PLXNA4: variants seen among roughly 807,000 people sequenced by gnomAD.
The protein encoded by PLXNA4 is plexin-A4.
Under a neutral mutation model 191.8 loss-of-function variants are expected in PLXNA4, and 44 were observed. The ratio of observed to expected loss-of-function variants is 0.23; its 90% CI spans 0.18 to 0.29. The LOEUF (loss-of-function observed/expected upper bound fraction) is 0.29, where lower values mean the gene tolerates loss of function less well. Ranked by LOEUF, PLXNA4 falls within the 10% of genes least tolerant of loss-of-function variation. The pLI is 1.00. For synonymous variants in PLXNA4, 1,082 were observed against 1,009.5 expected, an observed-to-expected ratio of 1.07 and a Z score of -1.36; for missense variants, 1,800 against 2,488.8, an observed-to-expected ratio of 0.72 and a Z score of 5.89.
chr7:132,632,984 C>A (rs140900657), intron 2 of PLXNA4, among the ~76,000 whole-genome samples: 1 of 151,938 alleles, frequency 6.6e-6, no homozygotes, highest in Non-Finnish European at 1.5e-5. Flanking sequence ...GGAGACAGAC[C>A]CCCAGCTTCA....
chr7:132,390,530 C>A (rs192380135), intron 3 of PLXNA4, among the ~76,000 whole-genome samples: 1 of 151,856 alleles, frequency 6.6e-6, no homozygotes, highest in South Asian at 2.1e-4. Context: ...CAAACCTGCA[C>A]GTTCTGCATA....
At chr7:132,253,660 G>A (rs1799333204) in intron 4 of PLXNA4, among the ~76,000 whole-genome samples, 1 of 152,180 alleles carries the variant, frequency 6.6e-6, no homozygotes, top group South Asian at 2.1e-4. Flanking sequence ...CTAGAAGTGA[G>A]CCCTGGGCCA....
At chr7:132,601,073 A>G (rs1224943225) in intron 2 of PLXNA4, among the ~76,000 whole-genome samples, 2 of 152,146 alleles carry the variant, frequency 1.3e-5, no homozygotes, top group African/African-American at 2.4e-5. Flanking sequence ...TCAAATATTT[A>G]TTGAATAAAT....
At chr7:132,308,218 C>A (rs1326219627) in intron 3 of PLXNA4, among the ~76,000 whole-genome samples, 2 of 152,184 alleles carry the variant, frequency 1.3e-5, no homozygotes, top group Non-Finnish European at 2.9e-5. Context: ...TTTGAAACAG[C>A]TTCACTGAGT....
intron 3 of PLXNA4, among the ~76,000 whole-genome samples, chr7:132,327,894 A>G (rs1380113462): frequency 6.6e-6 from 1 of 152,110 alleles, no homozygotes; most frequent in Non-Finnish European, 1.5e-5. Flanking sequence ...CTGGATGAGG[A>G]GAAGGTTCCA....
At chr7:132,321,365 CT>C (rs112669559) in intron 3 of PLXNA4, among the ~76,000 whole-genome samples, 21,817 of 143,338 alleles carry the variant, frequency 0.15, 2,375 homozygotes, top group African/African-American at 0.33. Flanking sequence ...TCTAGGCAAG[CT>C]TTTTTTTTTT....
intron 5 of PLXNA4, among the ~76,000 whole-genome samples, chr7:132,239,993 G>C (rs1313605348): frequency 6.6e-6 from 1 of 152,108 alleles, no homozygotes; most frequent in Non-Finnish European, 1.5e-5. Flanking sequence ...AGTTTAAGAG[G>C]GTGTTTCCGA....
At chr7:132,208,524 T>C (rs1435023276) in intron 10 of PLXNA4, among the ~76,000 whole-genome samples, 2 of 151,728 alleles carry the variant, frequency 1.3e-5, no homozygotes, top group South Asian at 2.1e-4. Context: ...AGGTCCTGAG[T>C]TGGGGGCAGG....
chr7:132,218,993 A>T (rs1477036058), intron 9 of PLXNA4, among the ~76,000 whole-genome samples: 1 of 152,170 alleles, frequency 6.6e-6, no homozygotes, highest in Non-Finnish European at 1.5e-5. Flanking sequence ...GTAATTCAAT[A>T]TCCCTGATAG....
At chr7:132,392,370 G>A (rs1238785608) in intron 3 of PLXNA4, among the ~76,000 whole-genome samples, 2 of 152,222 alleles carry the variant, frequency 1.3e-5, no homozygotes, top group Non-Finnish European at 1.5e-5. Flanking sequence ...CTGTAAATGT[G>A]CACCTGCTAT....
At chr7:132,280,284 A>C (rs6949380) in intron 4 of PLXNA4, among the ~76,000 whole-genome samples, 3,637 of 152,292 alleles carry the variant, frequency 0.024, 147 homozygotes, top group African/African-American at 0.082. Context: ...GATTGAGATA[A>C]AAATAAGGAA....
intron 25 of PLXNA4, among the ~76,000 whole-genome samples, chr7:132,156,688 C>T (rs1047222488): frequency 6.6e-6 from 1 of 152,200 alleles, no homozygotes; most frequent in African/African-American, 2.4e-5. Context: ...GTCCCTTTGG[C>T]ATAAATAGTC....
chr7:132,132,891 T>A (rs908013926), intron 31 of PLXNA4, among the ~76,000 whole-genome samples, 158 bp downstream of exon 31: 4 of 152,304 alleles, frequency 2.6e-5, no homozygotes, highest in Admixed American at 1.3e-4. Flanking sequence ...GTTTCTAGCA[T>A]CCCAGCCTTT....
intron 4 of PLXNA4, among the ~76,000 whole-genome samples, chr7:132,277,219 G>A (rs868780361): frequency 6.6e-6 from 1 of 152,154 alleles, no homozygotes; most frequent in Non-Finnish European, 1.5e-5. Flanking sequence ...TGGCTTAAGT[G>A]GGGGAAGCTG....
chr7:132,482,609 G>T (rs1033718617), intron 3 of PLXNA4, among the ~76,000 whole-genome samples: 16 of 152,074 alleles, frequency 1.1e-4, no homozygotes, highest in African/African-American at 3.9e-4. Context: ...AAGTTCTGGA[G>T]TAGTTCACGG....
At chr7:132,332,267 A>G (rs1336771324) in intron 3 of PLXNA4, among the ~76,000 whole-genome samples, 1 of 152,180 alleles carries the variant, frequency 6.6e-6, no homozygotes, top group East Asian at 1.9e-4. Flanking sequence ...GCAATGCACT[A>G]CCAGGGTCAC....
At chr7:132,266,005 A>G (rs1234447632) in intron 4 of PLXNA4, among the ~76,000 whole-genome samples, 1 of 152,192 alleles carries the variant, frequency 6.6e-6, no homozygotes, top group Non-Finnish European at 1.5e-5. Flanking sequence ...AGAATCAAGA[A>G]GAAGTTGACT....
At chr7:132,284,635 C>T (rs1026041023) in intron 4 of PLXNA4, among the ~76,000 whole-genome samples, 1 of 152,148 alleles carries the variant, frequency 6.6e-6, no homozygotes, top group African/African-American at 2.4e-5. Context: ...GACTATGAGG[C>T]CAGAGCCAAC....
intron 3 of PLXNA4, among the ~76,000 whole-genome samples, chr7:132,471,780 T>G (rs1275258551): frequency 1.3e-5 from 2 of 152,104 alleles, no homozygotes; most frequent in Non-Finnish European, 2.9e-5. Context: ...CTTCCCCACA[T>G]ATGGACTTGT....
Sources: allele counts gnomAD v4.1 joint callset (sites outside exome capture counted in the v4.1 genomes callset), GRCh38; gene constraint gnomAD v4.1.1; transcripts MANE v1.5; gene names NCBI Gene and HGNC (gene_info 2026-07-23, HGNC 2026-07-21).